MANBAL: variants seen among roughly 807,000 people sequenced by gnomAD.
MANBAL encodes the protein protein MANBAL.
Under a neutral mutation model 6.4 loss-of-function variants are expected in MANBAL, and 1 was observed. That is an observed-to-expected ratio of 0.16 (90% CI 0.06 to 0.74). The LOEUF is 0.74. MANBAL is among the 30% of genes least tolerant of loss of function. The pLI, the probability that MANBAL is intolerant of heterozygous loss-of-function variation, is 0.78. For synonymous variants in MANBAL, 47 were observed against 45.8 expected (o/e 1.03, Z -0.10); for missense variants, 100 against 107.8 (o/e 0.93, Z 0.32).
chr20:37,311,054 T>C (rs2069374807), intron 2 of MANBAL, among the ~76,000 whole-genome samples: 1 of 152,190 alleles, frequency 6.6e-6, no homozygotes, highest in South Asian at 2.1e-4. Flanking sequence ...GCAGCTTGCA[T>C]GGGGCCGTCA....
At position 37,316,541 on chromosome 20, in the gene MANBAL, G is replaced by T. The variant is rs749172031; in HGVS notation, c.*126G>T. ...GAGGAGGCTGTGACGCCCTATGACC[G>T]CAGAGATCTAGACAGTCGTAACAGT... On this transcript the variant is annotated 3_prime_UTR_variant, in exon 3 of 3. Transcript: ENST00000373606. 7 of 718,738 alleles carry T rather than the reference G, an allele frequency of 9.7e-6. No individual in the cohort carries two copies. Among genetic ancestry groups the T allele is most frequent in the Non-Finnish European group, 1.1e-5 (5 of 438,632 alleles). The allele number at this position is 718,738 out of a possible 1,614,324, so 44.5% of individuals were successfully genotyped here.
At chr20:37,307,081 C>T (rs776972464) in intron 2 of MANBAL, among the ~76,000 whole-genome samples, 8 of 152,204 alleles carry the variant, frequency 5.3e-5, no homozygotes, top group Non-Finnish European at 1.0e-4. Flanking sequence ...CCGTCCTCTG[C>T]CTCCTCAGTA....
Position 37,316,367 on chromosome 20 carries a change from TC to T in MANBAL, c.212del (p.Pro71LeufsTer3). On this transcript the variant is annotated frameshift_variant, in exon 3 of 3. Coordinates refer to ENST00000373606, the MANE Select transcript of MANBAL (RefSeq NM_001003897.2). LOFTEE classifies it high-confidence loss of function. ...EVTRKPKAAVPSVNKRPKKET... is the reference protein window; with the variant it reads ...EVTRKPKAAVXSVNKRPKKET... ...TGACGAGGAAGCCCAAGGCTGCTGT[TC>T]CTTCTGTGAACAAGAGGCCCAAGAA... 6.2e-7 allele frequency: 1 copy of T among 1,613,948 alleles called. No individual in the cohort carries two copies. Among genetic ancestry groups the T allele is most frequent in the South Asian group, 1.1e-5 (1 of 91,064 alleles).
At chr20:37,313,389 C>T (rs1297355034) in intron 2 of MANBAL, among the ~76,000 whole-genome samples, 2 of 147,348 alleles carry the variant, frequency 1.4e-5, no homozygotes, top group Non-Finnish European at 3.0e-5. Flanking sequence ...ACAAAGAAAA[C>T]ATGTAACTAT....
At chr20:37,308,376 G>A (rs574720858) in intron 2 of MANBAL, among the ~76,000 whole-genome samples, 29 of 152,292 alleles carry the variant, frequency 1.9e-4, no homozygotes, top group Admixed American at 1.5e-3. Flanking sequence ...GAAGTCCACC[G>A]AGTGGTTCAT....
At chr20:37,312,770 C>G (rs939934802) in intron 2 of MANBAL, among the ~76,000 whole-genome samples, 4 of 152,138 alleles carry the variant, frequency 2.6e-5, no homozygotes, top group Non-Finnish European at 5.9e-5. Context: ...CTCAACCTCT[C>G]GAGTAGCTGG....
chr20:37,301,568 A>G (rs2069137157), intron 2 of MANBAL, among the ~76,000 whole-genome samples, 155 bp downstream of exon 2: 1 of 152,188 alleles, frequency 6.6e-6, no homozygotes, highest in African/African-American at 2.4e-5. Context: ...GTTGAACCAC[A>G]TAGCTAATAC....
intron 2 of MANBAL, among the ~76,000 whole-genome samples, chr20:37,310,625 T>G (rs1248186851): frequency 6.6e-6 from 1 of 152,222 alleles, no homozygotes; most frequent in Non-Finnish European, 1.5e-5. Context: ...AGGGATATGA[T>G]GTATTGTGGC....
chr20:37,298,661 T>C (rs980234839), intron 1 of MANBAL: 1 of 152,244 alleles, frequency 6.6e-6, no homozygotes, highest in Non-Finnish European at 1.5e-5. Context: ...GTTTATGGAC[T>C]CTTAGTTGTT....
chr20:37,311,582 G>A (rs942317005), intron 2 of MANBAL, among the ~76,000 whole-genome samples: 1 of 152,124 alleles, frequency 6.6e-6, no homozygotes, highest in Admixed American at 6.6e-5. Context: ...CCACCTCCTG[G>A]GTTCAAGTGA....
At chr20:37,299,990 G>A (rs2069096261) in intron 1 of MANBAL, among the ~76,000 whole-genome samples, 1 of 152,156 alleles carries the variant, frequency 6.6e-6, no homozygotes, top group African/African-American at 2.4e-5. Flanking sequence ...GGCCACCACT[G>A]CCCCTGTCAT....
intron 2 of MANBAL, among the ~76,000 whole-genome samples, chr20:37,308,385 A>G (rs1372295719): frequency 1.1e-4 from 17 of 152,138 alleles, no homozygotes; most frequent in Admixed American, 1.0e-3. Context: ...CGAGTGGTTC[A>G]TGGAGAGCAC....
At chr20:37,298,910 A>C (rs991082603) in intron 1 of MANBAL, 12 of 151,608 alleles carry the variant, frequency 7.9e-5, no homozygotes, top group African/African-American at 2.9e-4. Flanking sequence ...CTAATTTTTA[A>C]ATTTTTTATA....
chr20:37,310,390 T>C (rs997708351), intron 2 of MANBAL, among the ~76,000 whole-genome samples: 17 of 152,208 alleles, frequency 1.1e-4, no homozygotes, highest in African/African-American at 3.9e-4. Context: ...CTGACCTGCT[T>C]TTAGTCTGCC....
At chr20:37,315,729 C>T (rs1024597371) in intron 2 of MANBAL, among the ~76,000 whole-genome samples, 1 of 152,210 alleles carries the variant, frequency 6.6e-6, no homozygotes, top group East Asian at 1.9e-4. Context: ...TGGGACTGCC[C>T]ACCTGCCGGC....
chr20:37,309,885 C>T (rs986726740), intron 2 of MANBAL, among the ~76,000 whole-genome samples: 1 of 152,214 alleles, frequency 6.6e-6, no homozygotes, highest in African/African-American at 2.4e-5. Flanking sequence ...TGCATTTCTG[C>T]TCTGTGTGGT....
Position 37,316,341 on chromosome 20 carries a change from G to A in MANBAL, c.184G>A (p.Val62Met). The A allele has an allele frequency of 6.2e-7, 1 of 1,613,906 alleles. No homozygotes were observed. The highest frequency in any genetic ancestry group is 1.1e-5 in the South Asian group (1 of 91,074). ...AEPSEPRSAE[V>M]TRKPKAAVPS... ...ACCGTCTGAGCCCAGAAGTGCTGAG[G>A]TGACGAGGAAGCCCAAGGCTGCTGT... Residue 62 changes from valine (V) to methionine (M), a missense_variant, in exon 3 of 3, where the codon GTG (valine) becomes ATG (methionine). Coordinates refer to ENST00000373606, the MANE Select transcript of MANBAL (RefSeq NM_001003897.2).
chr20:37,310,911 A>G (rs574229898), intron 2 of MANBAL, among the ~76,000 whole-genome samples: 12 of 152,194 alleles, frequency 7.9e-5, no homozygotes, highest in African/African-American at 1.4e-4. Flanking sequence ...GGCAGCGTAC[A>G]TTTGAGGAGA....
intron 1 of MANBAL, among the ~76,000 whole-genome samples, chr20:37,292,293 T>C (rs1183263790): frequency 6.6e-6 from 1 of 152,224 alleles, no homozygotes; most frequent in Non-Finnish European, 1.5e-5. Context: ...TTTGTATCGG[T>C]GTGAACTCAT....
Sources: gnomAD v4.1 joint callset for allele counts (sites outside exome capture counted in the v4.1 genomes callset) on GRCh38, gnomAD v4.1.1 for gene constraint, MANE v1.5 for transcripts, NCBI Gene and HGNC (gene_info 2026-07-23, HGNC 2026-07-21) for gene names.